Variants in NAMPT observed in about 807,000 individuals in gnomAD.
NAMPT encodes NAmPRTase.
Under a neutral mutation model 58.7 loss-of-function variants are expected in NAMPT, and 7 were observed. The observed-to-expected ratio is 0.12, with a 90% CI of 0.07 to 0.22. The LOEUF is 0.22. Ranked by LOEUF, NAMPT falls within the 10% of genes least tolerant of loss-of-function variation. NAMPT has a pLI of 1.00. For synonymous variants in NAMPT, 145 were observed against 198.1 expected, an observed-to-expected ratio of 0.73 and a Z score of 2.25; for missense variants, 271 against 567.9, an observed-to-expected ratio of 0.48 and a Z score of 5.31.
At chr7:106,265,601 G>A (rs1370382348) in intron 6 of NAMPT, among the ~76,000 whole-genome samples, 2 of 149,386 alleles carry the variant, frequency 1.3e-5, no homozygotes, top group Non-Finnish European at 3.0e-5. Flanking sequence ...CCCTGCATGA[G>A]GGTTTCCAGT....
At position 106,250,857 on chromosome 7, in the gene NAMPT, G is replaced by T. The variant is rs181730575; in HGVS notation, c.*226C>A. On this transcript the variant is annotated 3_prime_UTR_variant, in exon 11 of 11. Transcript: ENST00000222553. Reference sequence around the variant, plus strand: ...TACCAGATTGAATGACTACCTATTGGCAAAGGGCCCTAAAAAGCTTACTTT... The same window carrying T: ...TACCAGATTGAATGACTACCTATTGTCAAAGGGCCCTAAAAAGCTTACTTT... The T allele has an allele frequency of 3.4e-3, 1,668 of 491,536 alleles. 15 individuals are homozygous for T. The highest frequency in any genetic ancestry group is 0.031 in the African/African-American group (1,535 of 49,396). The allele number at this position is 491,536 out of a possible 1,614,324, so 30.4% of individuals were successfully genotyped here.
Position 106,268,453 on chromosome 7 carries a change from G to T in NAMPT, c.743+11C>A, listed in dbSNP as rs762473762. On this transcript the variant is annotated intron_variant, in intron 6 of 10. Transcript: ENST00000222553. Reference sequence around the variant, plus strand: ...AATTAGTAGTTTTAAAAAATGAACAGAATTTTTTACCTGTGTTCTGCTGCT... The same window carrying T: ...AATTAGTAGTTTTAAAAAATGAACATAATTTTTTACCTGTGTTCTGCTGCT... 1.9e-6 allele frequency: 3 copies of T among 1,590,766 alleles called. No individual in the cohort carries two copies. Among genetic ancestry groups the T allele is most frequent in the African/African-American group, 1.4e-5 (1 of 73,296 alleles).
intron 7 of NAMPT, among the ~76,000 whole-genome samples, chr7:106,262,113 G>GT (rs1389581669): frequency 2.0e-5 from 3 of 151,918 alleles, no homozygotes; most frequent in Admixed American, 6.6e-5. Flanking sequence ...AATGACTTTG[G>GT]TTTTTGTCTG....
intron 6 of NAMPT, 127 bp downstream of exon 6, chr7:106,268,337 T>C (rs1792468778): frequency 1.3e-6 from 1 of 794,622 alleles, no homozygotes; most frequent in Non-Finnish European, 2.0e-6. Flanking sequence ...AATACTGAAT[T>C]TGTGTTGCTC....
At chr7:106,284,455 A>C (rs1586031546) in intron 1 of NAMPT, 1 of 152,452 alleles carries the variant, frequency 6.6e-6, no homozygotes, top group East Asian at 2.0e-4. Context: ...CTCCAGGCCA[A>C]GAGGCCGCGC....
chr7:106,249,464 G>A lies in NAMPT; in HGVS notation c.*1619C>T, dbSNP rs934050663. 10 of 152,218 alleles carry A rather than the reference G, an allele frequency of 6.6e-5. No homozygotes were observed. The highest frequency in any genetic ancestry group is 2.2e-4 in the African/African-American group (9 of 41,366). 9.4% of individuals were successfully genotyped at this position (152,218 alleles called of 1,614,324 possible). A position where few individuals can be genotyped will look rare whatever the true frequency, so the allele number is the denominator to read the frequency against. On this transcript the variant is annotated 3_prime_UTR_variant, in exon 11 of 11. Transcript: ENST00000222553. ...TTTTCTAAATCAGTCTTCCAGTATC[G>A]GATTCTTAAGTGAGAAAAAAGAAGA...
chr7:106,255,141 G>A (rs1251453309), intron 8 of NAMPT, among the ~76,000 whole-genome samples: 1 of 152,186 alleles, frequency 6.6e-6, no homozygotes, highest in African/African-American at 2.4e-5. Context: ...AGAATGATTA[G>A]TTATAAACCA....
At position 106,263,473 on chromosome 7, in the gene NAMPT, T is replaced by A. The variant is rs1243391490; in HGVS notation, c.888A>T (p.Arg296Ser). 6.2e-7 allele frequency: 1 copy of A among 1,602,502 alleles called. No homozygotes were observed. Among genetic ancestry groups the A allele is most frequent in the East Asian group, 2.2e-5 (1 of 44,744 alleles). Residue 296 changes from arginine to serine, a missense_variant, in exon 7 of 11, where the codon AGA becomes AGT. Around this residue, in one of 4 missense-constraint regions of NAMPT, gnomAD observed 143 missense variants for 331.1 expected, o/e 0.43. Coordinates refer to ENST00000222553, the MANE Select transcript of NAMPT (RefSeq NM_005746.3). ...ACEKIWGEDL[R>S]HLIVSRSTQA... ...GTGTACTTCTTGATACTATTAAATG[T>A]CTTAGATCTTCACCCCATATTTTCT...
chr7:106,272,444 T>G (rs941317927), intron 4 of NAMPT, 86 bp downstream of exon 4: 25 of 1,245,740 alleles, frequency 2.0e-5, no homozygotes, highest in Non-Finnish European at 2.8e-5. Context: ...TTATATAGCT[T>G]TATTAGTAAC....
At chr7:106,255,166 T>C (rs1224061898) in intron 8 of NAMPT, among the ~76,000 whole-genome samples, 1 of 152,228 alleles carries the variant, frequency 6.6e-6, no homozygotes, top group Non-Finnish European at 1.5e-5. Flanking sequence ...GAGAGACCTG[T>C]ATGAACAGTT....
chr7:106,251,585 T>C (rs1019973470), intron 10 of NAMPT, among the ~76,000 whole-genome samples: 4 of 152,036 alleles, frequency 2.6e-5, no homozygotes, highest in Admixed American at 1.3e-4. Context: ...CCCTGCCTTG[T>C]TCCTGGCCAA....
intron 10 of NAMPT, among the ~76,000 whole-genome samples, chr7:106,251,854 G>A (rs1427746600): frequency 1.3e-5 from 2 of 152,036 alleles, no homozygotes; most frequent in African/African-American, 4.8e-5. Flanking sequence ...TTCCCTTTGG[G>A]TCTGGTAGAG....
intron 1 of NAMPT, 91 bp from the exon 2 acceptor site, chr7:106,277,270 G>A (rs1284873842): frequency 3.7e-6 from 4 of 1,085,274 alleles, no homozygotes; most frequent in Non-Finnish European, 5.4e-6. Context: ...CAAAACCAGA[G>A]AAACTATATT....
At chr7:106,278,739 T>C (rs1052044486) in intron 1 of NAMPT, among the ~76,000 whole-genome samples, 1 of 152,170 alleles carries the variant, frequency 6.6e-6, no homozygotes, top group Admixed American at 6.5e-5. Flanking sequence ...AAGATGTATG[T>C]AAAAATGAAA....
At chr7:106,270,418 A>G (rs988705460) in intron 4 of NAMPT, 2 of 235,822 alleles carry the variant, frequency 8.5e-6, no homozygotes, top group African/African-American at 4.7e-5. Flanking sequence ...AACAAATAAA[A>G]AGATTAACCT....
intron 10 of NAMPT, among the ~76,000 whole-genome samples, chr7:106,252,326 T>G (rs1215182659): frequency 6.6e-6 from 1 of 152,080 alleles, no homozygotes. Flanking sequence ...TTTACAAACA[T>G]ATTTTTTCAT....
At chr7:106,254,147 C>T (rs1792153457) in intron 9 of NAMPT, among the ~76,000 whole-genome samples, 1 of 151,978 alleles carries the variant, frequency 6.6e-6, no homozygotes, top group African/African-American at 2.4e-5. Context: ...AATCTTTTTC[C>T]TTATTGTTCT....
intron 4 of NAMPT, 171 bp downstream of exon 4, chr7:106,272,359 C>T: frequency 3.8e-6 from 2 of 532,170 alleles, no homozygotes; most frequent in South Asian, 2.8e-5. Context: ...TAGAAGAAAC[C>T]TTAAAGATTA....
chr7:106,281,574 T>G (rs1313845301), intron 1 of NAMPT, among the ~76,000 whole-genome samples: 1 of 152,210 alleles, frequency 6.6e-6, no homozygotes, highest in Non-Finnish European at 1.5e-5. Context: ...TGCCCAACAC[T>G]GGCTAAGACT....
Sources: gnomAD v4.1 joint callset for allele counts (sites outside exome capture counted in the v4.1 genomes callset) on GRCh38, gnomAD v4.1.1 for gene constraint, gnomAD v4.1.1 regional missense constraint, MANE v1.5 for transcripts, NCBI Gene and HGNC (gene_info 2026-07-23, HGNC 2026-07-21) for gene names.